EPS15: variants seen among roughly 807,000 people sequenced by gnomAD.
The protein encoded by EPS15 is epidermal growth factor receptor pathway substrate 15.
In EPS15, 72 loss-of-function variants were observed where a neutral mutation model predicts 113.8. The observed-to-expected ratio is 0.63, with a 90% CI of 0.52 to 0.77. The LOEUF (loss-of-function observed/expected upper bound fraction) is 0.77, where lower values mean the gene tolerates loss of function less well. Ranked by LOEUF, EPS15 falls within the 30% of genes least tolerant of loss-of-function variation. EPS15 has a pLI of 0.00. For synonymous variants in EPS15, 344 were observed against 363.4 expected (o/e 0.95, Z 0.61); for missense variants, 1,048 against 1,045.8 (o/e 1.00, Z -0.03).
rs3040220 is a variant in EPS15 at position 51,440,277 on chromosome 1, CTGTGTGTGTG to C, written c.1040+60_1040+69del. On this transcript the variant is annotated intron_variant, in intron 12 of 24. Coordinates refer to ENST00000371733, the MANE Select transcript of EPS15 (RefSeq NM_001981.3). Reference sequence around the variant, plus strand: ...GAAGTTGTATACATATATACATGTACTGTGTGTGTGTGTGTGTGTGTGTGTGTGTGTGTGT... The same window carrying C: ...GAAGTTGTATACATATATACATGTACTGTGTGTGTGTGTGTGTGTGTGTGT... The C allele has an allele frequency of 7.4e-4, 328 of 444,700 alleles. 1 individual carries two copies. The highest frequency in any genetic ancestry group is 3.2e-3 in the African/African-American group (161 of 50,208). 27.5% of individuals were successfully genotyped at this position (444,700 alleles called of 1,614,324 possible). A position where few individuals can be genotyped will look rare whatever the true frequency, so the allele number is the denominator to read the frequency against.
At chr1:51,379,092 T>G (rs1268895647) in intron 21 of EPS15, among the ~76,000 whole-genome samples, 2 of 152,180 alleles carry the variant, frequency 1.3e-5, no homozygotes, top group Non-Finnish European at 2.9e-5. Flanking sequence ...GAGAGAAAAC[T>G]GACTCATCAT....
intron 11 of EPS15, among the ~76,000 whole-genome samples, chr1:51,444,186 G>C (rs910941340): frequency 1.3e-5 from 2 of 152,034 alleles, no homozygotes; most frequent in East Asian, 3.8e-4. Context: ...TAGCCACTAT[G>C]GTATGCAAGT....
chr1:51,445,393 T>C (rs1433254928), intron 10 of EPS15, among the ~76,000 whole-genome samples: 2 of 152,156 alleles, frequency 1.3e-5, no homozygotes, highest in Non-Finnish European at 2.9e-5. Flanking sequence ...ATATTAAAGA[T>C]AAAATCTAAG....
intron 21 of EPS15, among the ~76,000 whole-genome samples, chr1:51,388,028 C>A (rs1167941975): frequency 1.3e-5 from 2 of 152,170 alleles, no homozygotes; most frequent in African/African-American, 4.8e-5. Context: ...TTATTTTCAG[C>A]ACCACACCAC....
At chr1:51,477,819 C>T (rs192412799) in intron 2 of EPS15, among the ~76,000 whole-genome samples, 9 of 152,232 alleles carry the variant, frequency 5.9e-5, no homozygotes, top group Admixed American at 3.3e-4. Flanking sequence ...GTCTGAGAGA[C>T]AGTTTGTTAT....
In EPS15 at chr1:51,361,231, A is replaced by G; in HGVS notation, c.2484T>C (p.Thr828=). The G allele has an allele frequency of 6.2e-7, 1 of 1,614,088 alleles. No homozygotes were observed. Among genetic ancestry groups the G allele is most frequent in the Non-Finnish European group, 8.5e-7 (1 of 1,179,950 alleles). ...KDPEIFCDPF[T]SATTTTNKEA... Reference sequence around the variant, plus strand: ...CTTTATTGGTAGTGGTAGTAGCAGAAGTGAATGGATCACAAAATATTTCAG... The same window carrying G: ...CTTTATTGGTAGTGGTAGTAGCAGAGGTGAATGGATCACAAAATATTTCAG... Residue 828 remains threonine (T), a synonymous_variant, in exon 24 of 25, where the codon ACT becomes ACC. Transcript: ENST00000371733.
At chr1:51,508,304 A>AG (rs1557536884) in intron 1 of EPS15, among the ~76,000 whole-genome samples, 2 of 122,592 alleles carry the variant, frequency 1.6e-5, no homozygotes, top group African/African-American at 7.3e-5. Flanking sequence ...GAGAGAGAGA[A>AG]AGAGAGAAAG....
Position 51,399,026 on chromosome 1 carries a change from A to T in EPS15, c.2052+6T>A. Reference sequence around the variant, plus strand: ...TAACTTAACAGTTTTTAATTCTCCCACTTACCGATGTAATACTGCTATTGT... The same window carrying T: ...TAACTTAACAGTTTTTAATTCTCCCTCTTACCGATGTAATACTGCTATTGT... On this transcript the variant is annotated splice_donor_region_variant and intron_variant, in intron 20 of 24. Transcript: ENST00000371733. 1 of 1,608,714 alleles carries T rather than the reference A, an allele frequency of 6.2e-7. No homozygotes were observed. The highest frequency in any genetic ancestry group is 8.5e-7 in the Non-Finnish European group (1 of 1,177,366).
At chr1:51,358,992 C>T (rs554749218) in intron 24 of EPS15, among the ~76,000 whole-genome samples, 1 of 151,934 alleles carries the variant, frequency 6.6e-6, no homozygotes, top group South Asian at 2.1e-4. Context: ...GTGTGAGCCA[C>T]CCCGTCTGGC....
At chr1:51,454,622 ATTC>A (rs1653837893) in intron 8 of EPS15, among the ~76,000 whole-genome samples, 1 of 152,206 alleles carries the variant, frequency 6.6e-6, no homozygotes. Flanking sequence ...TCTAGCCAGT[ATTC>A]TTCAAAAATG....
intron 24 of EPS15, among the ~76,000 whole-genome samples, chr1:51,357,413 TATATATATATATA>T (rs1229732260): frequency 3.5e-4 from 21 of 59,320 alleles, no homozygotes; most frequent in African/African-American, 1.5e-3. Context: ...TATATATATA[TATATATATATATA>T]TTTTTTTTTT....
At chr1:51,462,870 A>ATTTTTTTTTTTTT (rs34320767) in intron 7 of EPS15, among the ~76,000 whole-genome samples, 43 of 111,062 alleles carry the variant, frequency 3.9e-4, no homozygotes, top group Middle Eastern at 5.3e-3. Context: ...AAAAAGTCAG[A>ATTTTTTTTTTTTT]TTTTTTTTTT....
chr1:51,491,116 A>G (rs575271967), intron 1 of EPS15, among the ~76,000 whole-genome samples: 1 of 152,326 alleles, frequency 6.6e-6, no homozygotes, highest in African/African-American at 2.4e-5. Flanking sequence ...AAGACAATGG[A>G]ATAGATTTTA....
chr1:51,357,391 A>AAAATATATAT (rs1491245303), intron 24 of EPS15, among the ~76,000 whole-genome samples: 3 of 65,732 alleles, frequency 4.6e-5, no homozygotes, highest in Non-Finnish European at 7.8e-5. Context: ...AAAAAAAAAA[A>AAAATATATAT]ATATATATAT....
rs148068749 is a variant in EPS15 at position 51,400,919 on chromosome 1, G to A, written c.1917C>T (p.Ile639=). ...DPFKDDPFGK[I]DPFGGDPFKG... The stretch of plus-strand genomic sequence containing the variant: ...GATGAAACTCAATAAGATACTGACC[G>A]ATTTTTCCAAAAGGATCATCCTTGA... Residue 639 remains isoleucine (I), a splice_region_variant and synonymous_variant, in exon 19 of 25, where the codon ATC becomes ATT. Transcript: ENST00000371733. 1.3e-5 allele frequency: 21 copies of A among 1,579,194 alleles called. No individual in the cohort carries two copies. The highest frequency in any genetic ancestry group is 3.4e-4 in the Middle Eastern group (2 of 5,966).
At position 51,406,485 on chromosome 1, in the gene EPS15, T is replaced by G. The variant is rs115402938; in HGVS notation, c.1474-377A>C. 4.1e-3 allele frequency among the ~76,000 whole-genome samples: 625 copies of G among 152,132 alleles called. 5 individuals carry two copies. Among genetic ancestry groups the G allele is most frequent in the African/African-American group, 0.014 (596 of 41,516 alleles). On this transcript the variant is annotated intron_variant, in intron 15 of 24. Coordinates refer to ENST00000371733, the MANE Select transcript of EPS15 (RefSeq NM_001981.3). ...CCCTGTCTCAAAAAAATAAATAAAA[T>G]AAAAATGGCTATACCTGTAGACTTG... is the stretch of plus-strand genomic sequence containing the variant.
intron 1 of EPS15, among the ~76,000 whole-genome samples, chr1:51,486,545 G>C (rs1407672777): frequency 6.6e-6 from 1 of 151,978 alleles, no homozygotes; most frequent in Non-Finnish European, 1.5e-5. Context: ...ACAGTACCTT[G>C]TGACTAGATT....
At chr1:51,487,472 T>C (rs1309157040) in intron 1 of EPS15, among the ~76,000 whole-genome samples, 2 of 152,212 alleles carry the variant, frequency 1.3e-5, no homozygotes, top group Non-Finnish European at 2.9e-5. Flanking sequence ...ATTTTAAATA[T>C]TTGTAGTACC....
intron 16 of EPS15, 100 bp from the exon 17 acceptor site, chr1:51,403,632 C>A (rs1359547977): frequency 1.7e-6 from 1 of 597,434 alleles, no homozygotes; most frequent in Non-Finnish European, 2.9e-6. Flanking sequence ...TAAAAAAAGA[C>A]AAGCAGAATG....
Sources: allele counts gnomAD v4.1 joint callset (sites outside exome capture counted in the v4.1 genomes callset), GRCh38; gene constraint gnomAD v4.1.1; transcripts MANE v1.5; gene names NCBI Gene and HGNC (gene_info 2026-07-23, HGNC 2026-07-21).